SRP68: variants seen among roughly 807,000 people sequenced by gnomAD.
SRP68 encodes signal recognition particle subunit SRP68.
In SRP68, 15 loss-of-function variants were observed where a neutral mutation model predicts 82.2. The observed-to-expected ratio is 0.18, with a 90% CI of 0.12 to 0.28. The LOEUF is 0.28. Among genes scored for constraint, SRP68 ranks in the 10% least tolerant of loss-of-function variants. The pLI, the probability that SRP68 is intolerant of heterozygous loss-of-function variation, is 1.00. For missense variants in SRP68, 595 were observed against 780.5 expected (o/e 0.76, Z 2.83); for synonymous variants, 261 against 292.6 (o/e 0.89, Z 1.10).
intron 13 of SRP68, 46 bp from the exon 14 acceptor site, chr17:76,041,024 G>C (rs1342561258): frequency 6.5e-7 from 1 of 1,548,360 alleles, no homozygotes; most frequent in Non-Finnish European, 8.9e-7. Context: ...GGCCAGGTCA[G>C]AGAAGCACAC....
intron 8 of SRP68, among the ~76,000 whole-genome samples, chr17:76,053,257 C>A (rs1361202984): frequency 7.9e-6 from 1 of 126,164 alleles, no homozygotes; most frequent in Non-Finnish European, 1.6e-5. Flanking sequence ...CAGGGTGAGA[C>A]CCTGTCTCAA....
At chr17:76,047,870 A>C in intron 10 of SRP68, 36 bp downstream of exon 10, 2 of 1,117,502 alleles carry the variant, frequency 1.8e-6, no homozygotes, top group Non-Finnish European at 2.5e-6. Context: ...ATATTTTAAT[A>C]ATATTAAAAA....
chr17:76,063,301 C>G (rs186099361), intron 4 of SRP68, among the ~76,000 whole-genome samples: 1 of 151,996 alleles, frequency 6.6e-6, no homozygotes. Flanking sequence ...TTAAAAAACT[C>G]ACTTCCAAAA....
At position 76,072,253 on chromosome 17, in the gene SRP68, G is replaced by GC; in HGVS notation, c.184+54dup. 6.2e-7 allele frequency: 1 copy of GC among 1,600,544 alleles called. No homozygotes were observed. Among genetic ancestry groups the GC allele is most frequent in the Non-Finnish European group, 8.5e-7 (1 of 1,175,964 alleles). ...GGACCCGCCGCCTCTCCCGCCCCCA[G>GC]CCCTCCAGTTCGACACGTAATCATT... On this transcript the variant is annotated intron_variant, in intron 1 of 15. Transcript: ENST00000307877. This position sits in a 1 kb window ranked among gnomAD's most constrained non-coding sequence, Gnocchi z 4.5.
chr17:76,063,653 A>G (rs1782237034), intron 4 of SRP68, among the ~76,000 whole-genome samples: 1 of 149,064 alleles, frequency 6.7e-6, no homozygotes, highest in East Asian at 2.0e-4. Flanking sequence ...GCGCCACTGC[A>G]CTCCAGCCTG....
rs1475587772 is a variant in SRP68 at position 76,072,426 on chromosome 17, A to G, written c.66T>C (p.Ser22=). 3 of 1,584,254 alleles carry G rather than the reference A, an allele frequency of 1.9e-6. No individual in the cohort carries two copies. The highest frequency in any genetic ancestry group is 1.7e-5 in the Admixed American group (1 of 59,526). Residue 22 remains serine (S), a synonymous_variant, in exon 1 of 16, where the codon AGT becomes AGC. Coordinates refer to ENST00000307877, the MANE Select transcript of SRP68 (RefSeq NM_014230.4). The surrounding 1 kb of genome is among the most constrained non-coding windows in gnomAD (Gnocchi z 4.5). ...GGGGSGGGGG[S]GGGGSGGGRG... is the part of the protein sequence containing the mutation. ...GTCCACCGCCGCTACCGCCGCCGCC[A>G]CTGCCACCGCCGCCGCCACTGCCGC...
intron 4 of SRP68, among the ~76,000 whole-genome samples, chr17:76,062,729 TTATATA>T (rs200522360): frequency 0.024 from 354 of 14,500 alleles, 44 homozygotes; most frequent in South Asian, 0.079. Flanking sequence ...TATATTTATT[TTATATA>T]TATATATATA....
intron 9 of SRP68, 133 bp downstream of exon 9, chr17:76,050,295 C>T: frequency 1.6e-6 from 1 of 629,262 alleles, no homozygotes; most frequent in Non-Finnish European, 2.8e-6. Flanking sequence ...TACGACCTCA[C>T]CTCAAAAAAA....
Position 76,061,130 on chromosome 17 carries a change from C to T in SRP68, c.734G>A (p.Arg245His). Residue 245 changes from arginine (R) to histidine (H), a missense_variant, in exon 6 of 16, where the codon CGC becomes CAC. This residue lies in a region of SRP68 where 495 missense variants were observed against 688.6 expected (regional missense o/e 0.72). Coordinates refer to ENST00000307877, the MANE Select transcript of SRP68 (RefSeq NM_014230.4). Reference protein sequence around the residue: ...QRVEEISPNIRYCAYNIGDQS... With the variant: ...QRVEEISPNIHYCAYNIGDQS... ...CTCACCAATATTATATGCACAATAGCGGATGTTGGGTGAAATCTCTTCCAC... is the reference window on the plus strand; with the variant it reads ...CTCACCAATATTATATGCACAATAGTGGATGTTGGGTGAAATCTCTTCCAC... The T allele has an allele frequency of 1.2e-6, 2 of 1,611,190 alleles. No homozygotes were observed. Among genetic ancestry groups the T allele is most frequent in the South Asian group, 1.1e-5 (1 of 90,988 alleles).
chr17:76,051,654 T>C (rs1011072928), intron 8 of SRP68, among the ~76,000 whole-genome samples: 2 of 152,222 alleles, frequency 1.3e-5, no homozygotes, highest in Non-Finnish European at 2.9e-5. Flanking sequence ...ATCTTCCTTG[T>C]AACTTACCCA....
intron 7 of SRP68, among the ~76,000 whole-genome samples, chr17:76,059,452 G>C (rs993170027): frequency 4.6e-5 from 7 of 152,072 alleles, no homozygotes; most frequent in Non-Finnish European, 1.0e-4. Context: ...TGAGGCAGGG[G>C]AATCGCTTGA....
chr17:76,056,879 G>A (rs1047267422), intron 8 of SRP68, among the ~76,000 whole-genome samples: 3 of 152,152 alleles, frequency 2.0e-5, no homozygotes, highest in African/African-American at 4.8e-5. Flanking sequence ...CTTTTAGGAC[G>A]CATTTGGTTG....
At chr17:76,057,271 C>T (rs892585566) in intron 8 of SRP68, 132 bp downstream of exon 8, 1 of 1,076,314 alleles carries the variant, frequency 9.3e-7, no homozygotes, top group Middle Eastern at 2.1e-4. Context: ...CATCTCCGTA[C>T]TTACCAAATC....
Position 76,072,193 on chromosome 17 carries a change from C to T in SRP68, c.184+115G>A, listed in dbSNP as rs2066858248. 2 of 1,564,160 alleles carry T rather than the reference C, an allele frequency of 1.3e-6. No homozygotes were observed. Among genetic ancestry groups the T allele is most frequent in the Non-Finnish European group, 1.7e-6 (2 of 1,165,576 alleles). ...CACCAAAAGGTAAGGGCGAGAGAAACTGCAACCCTCGGCCTCTCCTGCCAG... is the reference window on the plus strand; with the variant it reads ...CACCAAAAGGTAAGGGCGAGAGAAATTGCAACCCTCGGCCTCTCCTGCCAG... On this transcript the variant is annotated intron_variant, in intron 1 of 15. Coordinates refer to ENST00000307877, the MANE Select transcript of SRP68 (RefSeq NM_014230.4). This position sits in a 1 kb window ranked among gnomAD's most constrained non-coding sequence, Gnocchi z 4.5.
At chr17:76,057,847 G>C (rs887476019) in intron 7 of SRP68, among the ~76,000 whole-genome samples, 2 of 152,128 alleles carry the variant, frequency 1.3e-5, no homozygotes, top group Non-Finnish European at 2.9e-5. Flanking sequence ...ACTAATTTTT[G>C]TATTTTTAGT....
rs766028128 is a variant in SRP68, at chr17:76,050,472, G to A, written c.1033C>T (p.Arg345Trp). Reference protein sequence around the residue: ...RLFESMLSECRDAIQVVREEL... With the variant: ...RLFESMLSECWDAIQVVREEL... The stretch of plus-strand genomic sequence containing the variant: ...TCCCGAACCACCTGGATGGCGTCCC[G>A]ACACTCGCTGAGCATTGATTCAAAC... The change falls in exon 9 of 16, where the codon CGG becomes TGG. Residue 345 changes from arginine to tryptophan, a missense_variant. Physicochemically the swap from Arg to Trp is moderately radical, Grantham distance 101. This residue lies in a region of SRP68 where 495 missense variants were observed against 688.6 expected (regional missense o/e 0.72). Coordinates refer to ENST00000307877, the MANE Select transcript of SRP68 (RefSeq NM_014230.4). 4.3e-6 allele frequency: 7 copies of A among 1,613,772 alleles called. No individual in the cohort carries two copies. The highest frequency in any genetic ancestry group is 5.1e-6 in the Non-Finnish European group (6 of 1,179,910).
intron 8 of SRP68, among the ~76,000 whole-genome samples, chr17:76,054,297 G>C (rs986044189): frequency 6.6e-6 from 1 of 152,152 alleles, no homozygotes. Context: ...TTGCTGGAAG[G>C]TGGTAGTATG....
intron 4 of SRP68, 128 bp downstream of exon 4, chr17:76,063,848 G>C (rs1378806257): frequency 2.8e-6 from 2 of 721,246 alleles, no homozygotes; most frequent in African/African-American, 1.8e-5. Context: ...TTAAAAGCAA[G>C]TTCGGAAAGT....
intron 3 of SRP68, among the ~76,000 whole-genome samples, chr17:76,066,383 G>A (rs1417749900): frequency 6.6e-6 from 1 of 150,554 alleles, no homozygotes; most frequent in Admixed American, 6.6e-5. Context: ...CCGGGAGGTG[G>A]AAGTTGCAGT....
Sources: gnomAD v4.1 joint callset for allele counts (sites outside exome capture counted in the v4.1 genomes callset) on GRCh38, gnomAD v4.1.1 for gene constraint, gnomAD v4.1.1 regional missense constraint, Gnocchi (gnomAD v3.1) non-coding constraint, MANE v1.5 for transcripts, NCBI Gene and HGNC (gene_info 2026-07-23, HGNC 2026-07-21) for gene names.